MAP3K9: variants seen among roughly 807,000 people sequenced by gnomAD.
MAP3K9 encodes mixed lineage kinase 1 (tyr and ser/thr specificity).
A neutral mutation model predicts 95.8 loss-of-function variants in MAP3K9; 46 were observed. The ratio of observed to expected loss-of-function variants is 0.48; its 90% CI spans 0.38 to 0.61. MAP3K9 has a LOEUF of 0.61. MAP3K9 is among the 20% of genes least tolerant of loss of function. MAP3K9 has a pLI of 0.00. For missense variants in MAP3K9, 1,296 were observed against 1,474.3 expected, an observed-to-expected ratio of 0.88 and a Z score of 1.98; for synonymous variants, 533 against 593.8, an observed-to-expected ratio of 0.90 and a Z score of 1.49.
At chr14:70,797,522 G>A (rs1277129025) in intron 2 of MAP3K9, among the ~76,000 whole-genome samples, 2 of 152,118 alleles carry the variant, frequency 1.3e-5, no homozygotes, top group African/African-American at 4.8e-5. Context: ...TGGATCACCT[G>A]AGGTCAGGAG....
At chr14:70,743,919 G>A (rs1287428752) in intron 5 of MAP3K9, among the ~76,000 whole-genome samples, 10 of 152,114 alleles carry the variant, frequency 6.6e-5, no homozygotes, top group South Asian at 2.1e-4. Context: ...TGTTTATTGC[G>A]GCACTATTCA....
intron 2 of MAP3K9, among the ~76,000 whole-genome samples, chr14:70,797,535 C>T (rs1343281651): frequency 1.3e-5 from 2 of 152,150 alleles, no homozygotes; most frequent in South Asian, 2.1e-4. Flanking sequence ...GTCAGGAGTT[C>T]GAGACCAGGC....
At chr14:70,789,335 C>T (rs1328749309) in intron 2 of MAP3K9, among the ~76,000 whole-genome samples, 1 of 152,156 alleles carries the variant, frequency 6.6e-6, no homozygotes, top group Admixed American at 6.5e-5. Context: ...CTACTCAGGG[C>T]TGCCTAAAAT....
At chr14:70,752,380 G>T (rs2054241142) in intron 3 of MAP3K9, among the ~76,000 whole-genome samples, 2 of 152,232 alleles carry the variant, frequency 1.3e-5, no homozygotes, top group South Asian at 4.1e-4. Context: ...ATATGTGAGT[G>T]AGTGGGTCTG....
At chr14:70,787,512 A>AG (rs1013170968) in intron 2 of MAP3K9, among the ~76,000 whole-genome samples, 11 of 151,574 alleles carry the variant, frequency 7.3e-5, no homozygotes, top group African/African-American at 2.7e-4. Context: ...TGTCTCAAAA[A>AG]AAAAAAAAAA....
At chr14:70,794,693 T>TC (rs141219500) in intron 2 of MAP3K9, among the ~76,000 whole-genome samples, 42,893 of 150,842 alleles carry the variant, frequency 0.28, 6,517 homozygotes, top group Admixed American at 0.33. Context: ...CTTTTTTTTT[T>TC]CCAAGATGTT....
chr14:70,742,397 C>T lies in MAP3K9; in HGVS notation c.1521G>A (p.Lys507=). 1.9e-6 allele frequency: 3 copies of T among 1,614,218 alleles called. No homozygotes were observed. The highest frequency in any genetic ancestry group is 2.5e-6 in the Non-Finnish European group (3 of 1,180,040). Residue 507 remains lysine, a synonymous_variant, in exon 6 of 12, where the codon AAG becomes AAA. Transcript: ENST00000554752. ...RVKKRKGKFR[K]SRLKLKDGNR... is the part of the protein sequence containing the mutation. ...TGCCATCCTTGAGCTTCAGCCGGCT[C>T]TTCCTGAACTTGCCCTTGCGTTTCT... is the stretch of plus-strand genomic sequence containing the variant.
intron 2 of MAP3K9, chr14:70,783,099 TC>T (rs2054702838): frequency 5.5e-6 from 1 of 183,448 alleles, no homozygotes; most frequent in East Asian, 1.9e-4. Context: ...AAGGTCATTA[TC>T]CCAGTCTCTC....
intron 2 of MAP3K9, among the ~76,000 whole-genome samples, chr14:70,785,578 G>A (rs1056508788): frequency 1.3e-5 from 2 of 152,120 alleles, no homozygotes; most frequent in Non-Finnish European, 2.9e-5. Context: ...TGAAGTGCGC[G>A]GTAGATGACA....
rs149243218 is a variant in MAP3K9 at position 70,737,278 on chromosome 14, C to G, written c.1844+967G>C. On this transcript the variant is annotated intron_variant, in intron 8 of 11. Coordinates refer to ENST00000554752, the MANE Select transcript of MAP3K9 (RefSeq NM_001284230.2). Reference sequence around the variant, plus strand: ...TGGGCCAGCTCATCCTCTCTGCACTCACAAAGATGAACTTATTTGGTCCTT... The same window carrying G: ...TGGGCCAGCTCATCCTCTCTGCACTGACAAAGATGAACTTATTTGGTCCTT... Among the ~76,000 whole-genome samples, 681 of 152,310 alleles carry G rather than the reference C, an allele frequency of 4.5e-3. 8 individuals are homozygous for G. The highest frequency in any genetic ancestry group is 0.016 in the African/African-American group (654 of 41,566).
chr14:70,793,290 G>C (rs181818912), intron 2 of MAP3K9, among the ~76,000 whole-genome samples: 1 of 152,336 alleles, frequency 6.6e-6, no homozygotes, highest in East Asian at 1.9e-4. Context: ...GATTAATAAC[G>C]AATGTACTGT....
At chr14:70,732,273 C>A (rs2053915323) in intron 11 of MAP3K9, among the ~76,000 whole-genome samples, 2 of 152,108 alleles carry the variant, frequency 1.3e-5, no homozygotes, top group South Asian at 4.2e-4. Flanking sequence ...TCTGGACATT[C>A]CAAAGGAGTC....
intron 1 of MAP3K9, among the ~76,000 whole-genome samples, chr14:70,802,756 C>G (rs1460262153): frequency 6.6e-6 from 1 of 152,114 alleles, no homozygotes; most frequent in Admixed American, 6.5e-5. Context: ...ATTGTCCAGG[C>G]CAGATTATGA....
chr14:70,761,243 G>C, intron 2 of MAP3K9, 61 bp from the exon 3 acceptor site: 1 of 1,394,864 alleles, frequency 7.2e-7, no homozygotes, highest in Non-Finnish European at 9.9e-7. Context: ...GGAAACCACA[G>C]AACAGAACTC....
chr14:70,761,278 T>G, intron 2 of MAP3K9, 96 bp from the exon 3 acceptor site: 1 of 1,016,646 alleles, frequency 9.8e-7, no homozygotes, highest in Non-Finnish European at 1.4e-6. Flanking sequence ...TGGCCTCTCC[T>G]GTGGGCTCCA....
chr14:70,747,172 T>C (rs769078288), intron 5 of MAP3K9, among the ~76,000 whole-genome samples: 14 of 152,168 alleles, frequency 9.2e-5, no homozygotes, highest in Non-Finnish European at 1.6e-4. Context: ...ACACTTGATA[T>C]GGTTTGACTG....
chr14:70,800,631 C>A lies in MAP3K9; in HGVS notation c.820+36G>T, dbSNP rs191987766. ...ACGTCGTGGGATACAACTGCAACTG[C>A]TCTGAGCCCCTCCAGCCCCATCTCT... is the stretch of plus-strand genomic sequence containing the variant. On this transcript the variant is annotated intron_variant, in intron 2 of 11. Transcript: ENST00000554752. The A allele has an allele frequency of 1.0e-3, 1,646 of 1,592,750 alleles. 10 individuals are homozygous for A. The highest frequency in any genetic ancestry group is 7.0e-4 in the Non-Finnish European group (818 of 1,168,654).
intron 3 of MAP3K9, among the ~76,000 whole-genome samples, chr14:70,750,844 T>A (rs2054216081): frequency 6.6e-6 from 1 of 152,078 alleles, no homozygotes; most frequent in Admixed American, 6.6e-5. Flanking sequence ...CCAAGTATAA[T>A]TTTTTTTCTG....
chr14:70,799,746 C>G (rs1027675555), intron 2 of MAP3K9, among the ~76,000 whole-genome samples: 3 of 152,186 alleles, frequency 2.0e-5, no homozygotes, highest in African/African-American at 7.2e-5. Context: ...TTTCCAGGCT[C>G]AAAGCTGAAG....
Sources: allele counts gnomAD v4.1 joint callset (sites outside exome capture counted in the v4.1 genomes callset), GRCh38; gene constraint gnomAD v4.1.1; transcripts MANE v1.5; gene names NCBI Gene and HGNC (gene_info 2026-07-23, HGNC 2026-07-21).